Variants in SCUBE1 observed in about 807,000 individuals in gnomAD.
SCUBE1 encodes the protein signal peptide, CUB domain and EGF like domain containing 1, also known as signal peptide, CUB and EGF-like domain-containing protein 1.
SCUBE1 carries 59 observed loss-of-function variants against 124.4 expected under a neutral mutation model. That is an observed-to-expected ratio of 0.47 (90% CI 0.38 to 0.59). The LOEUF (loss-of-function observed/expected upper bound fraction) is 0.59. Ranked by LOEUF, SCUBE1 falls within the 20% of genes least tolerant of loss-of-function variation. SCUBE1 has a pLI of 0.00. For synonymous variants in SCUBE1, 545 were observed against 550.9 expected, an observed-to-expected ratio of 0.99 and a Z score of 0.15; for missense variants, 1,150 against 1,371.2, an observed-to-expected ratio of 0.84 and a Z score of 2.55.
intron 6 of SCUBE1, among the ~76,000 whole-genome samples, chr22:43,243,125 C>T (rs574718048): frequency 2.0e-5 from 3 of 152,366 alleles, no homozygotes; most frequent in East Asian, 3.9e-4. Flanking sequence ...AGAAGCTGGC[C>T]GTGTTCAGGT....
chr22:43,224,190 A>G (rs1228490991), intron 10 of SCUBE1, among the ~76,000 whole-genome samples: 1 of 152,224 alleles, frequency 6.6e-6, no homozygotes, highest in Admixed American at 6.5e-5. Flanking sequence ...CGTGGGCCAC[A>G]GGTGTCCTTG....
At chr22:43,329,287 AG>A (rs1216641510) in intron 2 of SCUBE1, among the ~76,000 whole-genome samples, 3 of 152,264 alleles carry the variant, frequency 2.0e-5, no homozygotes, top group Non-Finnish European at 4.4e-5. Context: ...CAGTTGGCTA[AG>A]CCCCACTGAA....
intron 15 of SCUBE1, among the ~76,000 whole-genome samples, chr22:43,215,871 G>C (rs1364352300): frequency 6.6e-6 from 1 of 152,106 alleles, no homozygotes; most frequent in East Asian, 1.9e-4. Flanking sequence ...TGTGTGGGTT[G>C]GATGGTGAAG....
chr22:43,312,753 C>T (rs1926215437), intron 3 of SCUBE1, among the ~76,000 whole-genome samples: 1 of 152,198 alleles, frequency 6.6e-6, no homozygotes, highest in Admixed American at 6.5e-5. Flanking sequence ...CCCTTCAGCA[C>T]ACTCCCTGCC....
At chr22:43,236,566 A>G (rs1922770313) in intron 7 of SCUBE1, among the ~76,000 whole-genome samples, 1 of 152,194 alleles carries the variant, frequency 6.6e-6, no homozygotes, top group South Asian at 2.1e-4. Context: ...CTTGTAGGGT[A>G]GCCCTGGGCC....
intron 7 of SCUBE1, among the ~76,000 whole-genome samples, chr22:43,235,479 A>G (rs1922723087): frequency 6.6e-6 from 1 of 151,852 alleles, no homozygotes; most frequent in Non-Finnish European, 1.5e-5. Context: ...CGGTCACTCG[A>G]GGGCACCATT....
rs566999696 is a variant in SCUBE1, at chr22:43,235,344, C to T, written c.845-3469G>A. Among the ~76,000 whole-genome samples the T allele has an allele frequency of 6.6e-5, 10 of 150,818 alleles. 2 individuals are homozygous for T. The highest frequency in any genetic ancestry group is 2.4e-4 in the African/African-American group (10 of 41,096). On this transcript the variant is annotated intron_variant, in intron 7 of 21. Coordinates refer to ENST00000360835, the MANE Select transcript of SCUBE1 (RefSeq NM_173050.5). ...TTCTGGCTCCCTCCTGCCCATCTCACGTGGGGGACCATGTAGGGGAGGGCT... is the reference window on the plus strand; with the variant it reads ...TTCTGGCTCCCTCCTGCCCATCTCATGTGGGGGACCATGTAGGGGAGGGCT...
chr22:43,314,389 A>T lies in SCUBE1; in HGVS notation c.349+5548T>A, dbSNP rs9612039. Among the ~76,000 whole-genome samples the T allele has an allele frequency of 2.0e-5, 3 of 152,122 alleles. No individual in the cohort carries two copies. The South Asian group carries it at 6.2e-4, about 31-fold the overall frequency. On this transcript the variant is annotated intron_variant, in intron 3 of 21. Coordinates refer to ENST00000360835, the MANE Select transcript of SCUBE1 (RefSeq NM_173050.5). The stretch of plus-strand genomic sequence containing the variant: ...GGTGTAGTTCACTCTAGCTGCTGCC[A>T]GCACCACAGTGAGATGTGAGCGAGA...
rs1008768327 is a variant in SCUBE1 at position 43,221,206 on chromosome 22, G to C, written c.1516C>G (p.Arg506Gly). The change falls in exon 13 of 22, where the codon CGA becomes GGA. Residue 506 changes from arginine (R) to glycine (G), a missense_variant. This residue lies in a region of SCUBE1 where 757 missense variants were observed against 840.9 expected (regional missense o/e 0.90). Coordinates refer to ENST00000360835, the MANE Select transcript of SCUBE1 (RefSeq NM_173050.5). ...GGCTGCCTGGCGGTCTCCTTTGCTC[G>C]TGCCTGGCTGTGGGGCCGGAGGTGG... ...KCHLRPHSQARAKETARQPLL... is the reference protein window; with the variant it reads ...KCHLRPHSQAGAKETARQPLL... The C allele has an allele frequency of 6.2e-7, 1 of 1,611,230 alleles. No homozygotes were observed. The highest frequency in any genetic ancestry group is 8.5e-7 in the Non-Finnish European group (1 of 1,179,934).
chr22:43,341,116 C>T (rs553965204), intron 1 of SCUBE1, among the ~76,000 whole-genome samples: 7 of 152,290 alleles, frequency 4.6e-5, no homozygotes, highest in Middle Eastern at 3.4e-3. Flanking sequence ...TGCACGTGTG[C>T]GCACACACAC....
chr22:43,296,294 T>TTGGCC (rs1925557054), intron 3 of SCUBE1, among the ~76,000 whole-genome samples: 1 of 152,192 alleles, frequency 6.6e-6, no homozygotes, highest in Non-Finnish European at 1.5e-5. Flanking sequence ...CACTGAGGCC[T>TTGGCC]TGGGCCAGGG....
At position 43,202,598 on chromosome 22, in the gene SCUBE1, C is replaced by G. The variant is rs548095776; in HGVS notation, c.*1399G>C. On this transcript the variant is annotated 3_prime_UTR_variant, in exon 22 of 22. Transcript: ENST00000360835. ...GTCACAGCCCAGACTCTCTTTCTCC[C>G]GACATTTCCCTGCTTGCTTCTCTCT... 4 of 152,150 alleles carry G rather than the reference C, an allele frequency of 2.6e-5. No homozygotes were observed. Among genetic ancestry groups the G allele is most frequent in the African/African-American group, 9.7e-5 (4 of 41,380 alleles). 9.4% of individuals were successfully genotyped at this position (152,150 alleles called of 1,614,324 possible).
At chr22:43,242,962 T>C (rs1213855730) in intron 6 of SCUBE1, among the ~76,000 whole-genome samples, 2 of 152,190 alleles carry the variant, frequency 1.3e-5, no homozygotes, top group Admixed American at 1.3e-4. Context: ...CAGGCAGGAA[T>C]GGCTACATCA....
At position 43,222,624 on chromosome 22, in the gene SCUBE1, G is replaced by C; in HGVS notation, c.1432+14C>G. Reference sequence around the variant, plus strand: ...ACCCAGTGGCATGCAGCATGGACAGGCCGGGGGGGTTACCTGAGCAGCTGG... The same window carrying C: ...ACCCAGTGGCATGCAGCATGGACAGCCCGGGGGGGTTACCTGAGCAGCTGG... On this transcript the variant is annotated intron_variant, in intron 12 of 21. Transcript: ENST00000360835. 6.8e-7 allele frequency: 1 copy of C among 1,476,012 alleles called. No homozygotes were observed. The allele number at this position is 1,476,012 out of a possible 1,614,324, so 91.4% of individuals were successfully genotyped here. A position where few individuals can be genotyped will look rare whatever the true frequency, so the allele number is the denominator to read the frequency against.
At chr22:43,313,254 A>C (rs982518508) in intron 3 of SCUBE1, among the ~76,000 whole-genome samples, 1 of 152,198 alleles carries the variant, frequency 6.6e-6, no homozygotes, top group Non-Finnish European at 1.5e-5. Flanking sequence ...CTGGCTAATA[A>C]ATCAATGCTT....
intron 3 of SCUBE1, among the ~76,000 whole-genome samples, chr22:43,312,356 T>A (rs571736540): frequency 6.6e-6 from 1 of 152,054 alleles, no homozygotes; most frequent in African/African-American, 2.4e-5. Flanking sequence ...TGGTTGGGGC[T>A]TGAAGGATGA....
chr22:43,336,038 G>A lies in SCUBE1; in HGVS notation c.220+3066C>T, dbSNP rs549700864. 2.0e-5 allele frequency among the ~76,000 whole-genome samples: 3 copies of A among 152,272 alleles called. No individual in the cohort carries two copies. In the South Asian group the frequency reaches 6.2e-4, roughly 32 times the overall value. ...AGATGATGATAATGACAGGATCATG[G>A]TGAAGACTTTGCCATCTGTATATGG... On this transcript the variant is annotated intron_variant, in intron 2 of 21. Transcript: ENST00000360835.
intron 21 of SCUBE1, 76 bp downstream of exon 21, chr22:43,207,458 G>T: frequency 8.6e-7 from 1 of 1,159,884 alleles, no homozygotes; most frequent in Non-Finnish European, 1.3e-6. Flanking sequence ...GGCCAGGGCT[G>T]GGGCAGGGGC....
At chr22:43,279,970 C>A (rs917508058) in intron 4 of SCUBE1, among the ~76,000 whole-genome samples, 1 of 152,208 alleles carries the variant, frequency 6.6e-6, no homozygotes, top group African/African-American at 2.4e-5. Context: ...CTCAATGAAG[C>A]CTTGAATACT....
Sources: allele counts gnomAD v4.1 joint callset (sites outside exome capture counted in the v4.1 genomes callset), GRCh38; gene constraint gnomAD v4.1.1; regional missense constraint gnomAD v4.1.1; transcripts MANE v1.5; gene names NCBI Gene and HGNC (gene_info 2026-07-23, HGNC 2026-07-21).